Variants in DUSP14 observed in about 807,000 individuals in gnomAD.
DUSP14 encodes the protein dual specificity phosphatase 14.
DUSP14 carries 5 observed loss-of-function variants against 13.2 expected under a neutral mutation model. The ratio of observed to expected loss-of-function variants is 0.38; its 90% CI spans 0.20 to 0.80. The LOEUF (loss-of-function observed/expected upper bound fraction) is 0.80. Among genes scored for constraint, DUSP14 ranks in the 30% least tolerant of loss-of-function variants. The probability of loss-of-function intolerance (pLI) is 0.44; values close to 1 mark genes in which losing one functional copy is unlikely to be tolerated. For synonymous variants in DUSP14, 91 were observed against 103.4 expected (o/e 0.88, Z 0.73); for missense variants, 185 against 264.0 (o/e 0.70, Z 2.07).
At position 37,512,469 on chromosome 17, in the gene DUSP14, T is replaced by A. The variant is rs778673385; in HGVS notation, c.197T>A (p.Phe66Tyr). Residue 66 changes from phenylalanine (F) to tyrosine (Y), a missense_variant, in exon 3 of 3, where the codon TTC (phenylalanine) becomes TAC (tyrosine). Phe to Tyr is a conservative substitution (Grantham distance 22, BLOSUM62 3). Coordinates refer to ENST00000617516, the MANE Select transcript of DUSP14 (RefSeq NM_007026.4). The surrounding 1 kb of genome is among the most constrained non-coding windows in gnomAD (Gnocchi z 4.8). ...IVNATIEIPN[F>Y]NWPQFEYVKV... is the part of the protein sequence containing the mutation. ...AATGCTACCATTGAGATCCCTAATT[T>A]CAACTGGCCCCAATTTGAGTATGTT... The A allele has an allele frequency of 6.2e-7, 1 of 1,614,176 alleles. No individual in the cohort carries two copies. The highest frequency in any genetic ancestry group is 1.1e-5 in the South Asian group (1 of 91,078).
chr17:37,492,493 A>G (rs2054035428), intron 1 of DUSP14, among the ~76,000 whole-genome samples: 1 of 152,262 alleles, frequency 6.6e-6, no homozygotes, highest in African/African-American at 2.4e-5. Context: ...AATTCATGTC[A>G]GGATTCTGTG....
At position 37,512,908 on chromosome 17, in the gene DUSP14, G is replaced by A; in HGVS notation, c.*39G>A. On this transcript the variant is annotated 3_prime_UTR_variant, in exon 3 of 3. Coordinates refer to ENST00000617516, the MANE Select transcript of DUSP14 (RefSeq NM_007026.4). The surrounding 1 kb of genome is among the most constrained non-coding windows in gnomAD (Gnocchi z 4.8). ...TGCGTCAGCAGCCCGAGCGGGGCCG[G>A]CATCTGCTCCCCGCCGTCTGCTCCC... is the stretch of plus-strand genomic sequence containing the variant. 2 of 1,526,808 alleles carry A rather than the reference G, an allele frequency of 1.3e-6. No individual in the cohort carries two copies. Among genetic ancestry groups the A allele is most frequent in the Admixed American group, 1.8e-5 (1 of 55,468 alleles). The allele number at this position is 1,526,808 out of a possible 1,614,324, so 94.6% of individuals were successfully genotyped here. A position where few individuals can be genotyped will look rare whatever the true frequency, so the allele number is the denominator to read the frequency against.
At chr17:37,498,678 T>TTTG (rs2054083895) in intron 1 of DUSP14, among the ~76,000 whole-genome samples, 1 of 148,910 alleles carries the variant, frequency 6.7e-6, no homozygotes, top group Non-Finnish European at 1.5e-5. Flanking sequence ...AGTAATCAGT[T>TTTG]TTTTTTTTTT....
intron 1 of DUSP14, among the ~76,000 whole-genome samples, chr17:37,490,638 CTG>C (rs1481981627): frequency 6.6e-6 from 1 of 151,992 alleles, no homozygotes; most frequent in Non-Finnish European, 1.5e-5. Context: ...GTTATGGTAA[CTG>C]GGCATCCCAG....
intron 1 of DUSP14, among the ~76,000 whole-genome samples, chr17:37,501,704 A>G (rs1042030434): frequency 1.3e-5 from 2 of 152,096 alleles, no homozygotes; most frequent in African/African-American, 4.8e-5. Context: ...TTTAGTAGAG[A>G]CAGGGTTTTA....
Position 37,512,567 on chromosome 17 carries a change from AGT to A in DUSP14, c.299_300del (p.Val100GlufsTer72). 1 of 1,614,216 alleles carries A rather than the reference AGT, an allele frequency of 6.2e-7. No individual in the cohort carries two copies. The highest frequency in any genetic ancestry group is 8.5e-7 in the Non-Finnish European group (1 of 1,180,024). ...YFDTVADKIHSVSRKHGATLV... is the reference protein window; with the variant it reads ...YFDTVADKIHXVSRKHGATLV... ...TGACACCGTGGCTGACAAGATCCAC[AGT>A]GTGAGCAGGAAGCACGGGGCCACCT... On this transcript the variant is annotated frameshift_variant, in exon 3 of 3. Transcript: ENST00000617516. LOFTEE classifies it high-confidence loss of function. The surrounding 1 kb of genome is among the most constrained non-coding windows in gnomAD (Gnocchi z 4.8).
intron 1 of DUSP14, among the ~76,000 whole-genome samples, chr17:37,496,587 C>T (rs1221242035): frequency 1.3e-5 from 2 of 152,194 alleles, no homozygotes; most frequent in Non-Finnish European, 1.5e-5. Context: ...AACCCCGTCT[C>T]TACTGAAAAT....
At position 37,510,780 on chromosome 17, in the gene DUSP14, C is replaced by T. The variant is rs1345967357; in HGVS notation, c.-93+16C>T. The T allele has an allele frequency of 2.0e-5, 3 of 152,258 alleles. No individual in the cohort carries two copies. Among genetic ancestry groups the T allele is most frequent in the Non-Finnish European group, 2.9e-5 (2 of 68,080 alleles). The allele number at this position is 152,258 out of a possible 1,614,324, so 9.4% of individuals were successfully genotyped here. A position where few individuals can be genotyped will look rare whatever the true frequency, so the allele number is the denominator to read the frequency against. Reference sequence around the variant, plus strand: ...TCTTGAGGAAGTGAGTACCCCACCACTGCCTGCCTGTTGAACCCGGGGAGG... The same window carrying T: ...TCTTGAGGAAGTGAGTACCCCACCATTGCCTGCCTGTTGAACCCGGGGAGG... On this transcript the variant is annotated intron_variant, in intron 2 of 2. Transcript: ENST00000617516.
intron 1 of DUSP14, chr17:37,509,774 G>A (rs1441860195): frequency 1.3e-5 from 2 of 152,068 alleles, no homozygotes; most frequent in African/African-American, 4.8e-5. Context: ...GAAATTTTGA[G>A]GGGGATGATG....
chr17:37,512,765 C>G lies in DUSP14; in HGVS notation c.493C>G (p.Leu165Val). The G allele has an allele frequency of 6.2e-7, 1 of 1,613,866 alleles. No homozygotes were observed. The highest frequency in any genetic ancestry group is 8.5e-7 in the Non-Finnish European group (1 of 1,180,032). Residue 165 changes from leucine (L) to valine (V), a missense_variant, in exon 3 of 3, where the codon CTC (leucine) becomes GTC (valine). Transcript: ENST00000617516. This position sits in a 1 kb window ranked among gnomAD's most constrained non-coding sequence, Gnocchi z 4.8. ...GCAACTGATAGACTACGAGCGCCAG[C>G]TCTTTGGGAAGTCGACAGTTAAAAT... Reference protein sequence around the residue: ...WRQLIDYERQLFGKSTVKMVQ... With the variant: ...WRQLIDYERQVFGKSTVKMVQ...
At chr17:37,501,818 A>G (rs764517521) in intron 1 of DUSP14, among the ~76,000 whole-genome samples, 2 of 152,054 alleles carry the variant, frequency 1.3e-5, no homozygotes, top group Non-Finnish European at 2.9e-5. Context: ...TGCCTGGCCA[A>G]GGGGGCTCTT....
At chr17:37,489,458 G>A (rs1174867644), upstream of DUSP14, among the ~76,000 whole-genome samples, 1 of 152,164 alleles carries the variant, frequency 6.6e-6, no homozygotes, top group Non-Finnish European at 1.5e-5. Flanking sequence ...GGGTGGGGTC[G>A]AGGCCGTCCC....
intron 2 of DUSP14, among the ~76,000 whole-genome samples, chr17:37,511,642 T>C (rs2054186939): frequency 7.1e-6 from 1 of 141,500 alleles, no homozygotes; most frequent in Non-Finnish European, 1.5e-5. Context: ...TGCAGTGTGG[T>C]GGTGGTGCAA....
At position 37,501,690 on chromosome 17, in the gene DUSP14, A is replaced by G. The variant is rs547709130; in HGVS notation, c.-180-8987A>G. 2.6e-5 allele frequency among the ~76,000 whole-genome samples: 4 copies of G among 151,954 alleles called. No individual in the cohort carries two copies. The East Asian group carries it at 7.8e-4, about 29-fold the overall frequency. The stretch of plus-strand genomic sequence containing the variant: ...ACCACCACGCCTGGCTAATTTTCGT[A>G]TTTTTTAGTAGAGACAGGGTTTTAC... On this transcript the variant is annotated intron_variant, in intron 1 of 2. Coordinates refer to ENST00000617516, the MANE Select transcript of DUSP14 (RefSeq NM_007026.4).
chr17:37,495,363 CAGTGGACGAGA>C (rs2054056592), intron 1 of DUSP14, among the ~76,000 whole-genome samples: 1 of 152,230 alleles, frequency 6.6e-6, no homozygotes, highest in Non-Finnish European at 1.5e-5. Flanking sequence ...GTTGAAACCT[CAGTGGACGAGA>C]AGGTTCTTTT....
chr17:37,509,202 A>C (rs1477586998), intron 1 of DUSP14, among the ~76,000 whole-genome samples: 1 of 124,660 alleles, frequency 8.0e-6, no homozygotes, highest in Non-Finnish European at 1.7e-5. Flanking sequence ...TATGTGTACT[A>C]TATATGTATA....
chr17:37,506,707 G>T (rs1195777173), intron 1 of DUSP14, among the ~76,000 whole-genome samples: 4 of 152,210 alleles, frequency 2.6e-5, no homozygotes, highest in Admixed American at 6.5e-5. Context: ...CTACTGATCT[G>T]ATCTGAGAAC....
chr17:37,509,635 A>G (rs997166159), intron 1 of DUSP14, among the ~76,000 whole-genome samples: 4 of 152,048 alleles, frequency 2.6e-5, no homozygotes, highest in African/African-American at 9.7e-5. Flanking sequence ...ATATATTTAT[A>G]TGCTATAAAT....
At chr17:37,495,565 A>G (rs772654976) in intron 1 of DUSP14, among the ~76,000 whole-genome samples, 3 of 152,144 alleles carry the variant, frequency 2.0e-5, no homozygotes, top group Non-Finnish European at 2.9e-5. Context: ...GTTGACTAGT[A>G]AACATTATGT....
Sources: allele counts gnomAD v4.1 joint callset (sites outside exome capture counted in the v4.1 genomes callset), GRCh38; gene constraint gnomAD v4.1.1; non-coding constraint Gnocchi (gnomAD v3.1); transcripts MANE v1.5; gene names NCBI Gene and HGNC (gene_info 2026-07-23, HGNC 2026-07-21).